Variants in CSMD1 observed in about 807,000 individuals in gnomAD.
CSMD1 encodes CUB and sushi domain-containing protein 1.
A neutral mutation model predicts 417.5 loss-of-function variants in CSMD1; 213 were observed. The observed-to-expected ratio is 0.51, with a 90% confidence interval of 0.46 to 0.57. CSMD1 has a LOEUF of 0.57. Among genes scored for constraint, CSMD1 ranks in the 20% least tolerant of loss-of-function variants. The probability of loss-of-function intolerance (pLI) is 0.00; values close to 1 mark genes in which losing one functional copy is unlikely to be tolerated. For synonymous variants in CSMD1, 2,862 were observed against 1,736.8 expected (o/e 1.65, Z -16.11); for missense variants, 6,923 against 4,529.7 (o/e 1.53, Z -15.17).
intron 18 of CSMD1, among the ~76,000 whole-genome samples, chr8:3,376,599 T>C (rs1810320272): frequency 6.6e-6 from 1 of 152,096 alleles, no homozygotes; most frequent in African/African-American, 2.4e-5. Flanking sequence ...CTATCTTTCT[T>C]TAATTAAAAA....
At chr8:4,610,095 A>G (rs1801085047) in intron 2 of CSMD1, among the ~76,000 whole-genome samples, 1 of 151,410 alleles carries the variant, frequency 6.6e-6, no homozygotes, top group African/African-American at 2.4e-5. Context: ...CCCTACCTCT[A>G]TTTCTCTCCT....
intron 1 of CSMD1, among the ~76,000 whole-genome samples, chr8:4,724,155 C>T (rs1243953237): frequency 2.6e-5 from 4 of 152,088 alleles, no homozygotes; most frequent in East Asian, 1.9e-4. Flanking sequence ...CAAAATAAAA[C>T]ATGGATGTTC....
At chr8:4,192,597 T>C (rs1375796776) in intron 3 of CSMD1, among the ~76,000 whole-genome samples, 1 of 152,220 alleles carries the variant, frequency 6.6e-6, no homozygotes, top group East Asian at 1.9e-4. Flanking sequence ...AGCTTTGCCC[T>C]ATAATGAGAA....
chr8:3,464,863 T>A (rs367895027), intron 12 of CSMD1, among the ~76,000 whole-genome samples: 32 of 152,280 alleles, frequency 2.1e-4, no homozygotes, highest in East Asian at 7.7e-4. Context: ...TCTCTCCCAT[T>A]ACTTTCTGAC....
rs769904621 is a variant in CSMD1 at position 4,926,239 on chromosome 8, T to C, written c.85+68093A>G. 2.6e-5 allele frequency among the ~76,000 whole-genome samples: 4 copies of C among 152,220 alleles called. No homozygotes were observed. The East Asian group carries it at 5.8e-4, about 22-fold the overall frequency. On this transcript the variant is annotated intron_variant, in intron 1 of 69. Transcript: ENST00000635120. ...CTGCTATTACATTTATTTTTTCTTGTGGACACAATGAATAAATGGATGTAT... is the reference window on the plus strand; with the variant it reads ...CTGCTATTACATTTATTTTTTCTTGCGGACACAATGAATAAATGGATGTAT...
chr8:4,238,949 T>C (rs1244487116), intron 3 of CSMD1, among the ~76,000 whole-genome samples: 1 of 152,320 alleles, frequency 6.6e-6, no homozygotes, highest in East Asian at 1.9e-4. Context: ...ACCCTGTTCT[T>C]CTGTAGAGAG....
intron 3 of CSMD1, among the ~76,000 whole-genome samples, chr8:4,311,962 C>T (rs1585209114): frequency 6.6e-6 from 1 of 151,862 alleles, no homozygotes; most frequent in African/African-American, 2.4e-5. Context: ...AAACCTGAAA[C>T]TTAGAAAACA....
At chr8:3,451,080 T>G (rs1472727136) in intron 12 of CSMD1, among the ~76,000 whole-genome samples, 1 of 152,242 alleles carries the variant, frequency 6.6e-6, no homozygotes, top group Non-Finnish European at 1.5e-5. Flanking sequence ...GACGAGCATT[T>G]TTTCACGTCT....
intron 26 of CSMD1, among the ~76,000 whole-genome samples, chr8:3,268,367 C>G (rs1455269116): frequency 7.1e-6 from 1 of 141,152 alleles, no homozygotes; most frequent in African/African-American, 2.7e-5. Flanking sequence ...CAGCTCACTG[C>G]AAGCTCCGCC....
intron 12 of CSMD1, among the ~76,000 whole-genome samples, chr8:3,448,426 A>AGGAAGGAAGGGAGGAAG (rs532643101): frequency 3.1e-5 from 3 of 96,132 alleles, no homozygotes; most frequent in African/African-American, 1.3e-4. Context: ...AAGGGAAGGA[A>AGGAAGGAAGGGAGGAAG]GAAGGAGCAA....
At chr8:4,452,709 A>C (rs932984218) in intron 2 of CSMD1, among the ~76,000 whole-genome samples, 2 of 152,170 alleles carry the variant, frequency 1.3e-5, no homozygotes, top group African/African-American at 2.4e-5. Flanking sequence ...TCTCAATTAC[A>C]TTTAAATCAA....
chr8:3,923,528 G>A (rs768755349), intron 5 of CSMD1, among the ~76,000 whole-genome samples: 6 of 151,930 alleles, frequency 3.9e-5, no homozygotes, highest in East Asian at 1.9e-4. Flanking sequence ...CTCACCTTGC[G>A]CATTTCCCAC....
At chr8:3,744,348 C>A (rs1481722) in intron 6 of CSMD1, among the ~76,000 whole-genome samples, 3 of 152,122 alleles carry the variant, frequency 2.0e-5, no homozygotes, top group African/African-American at 7.2e-5. Context: ...TGGGCTTCCA[C>A]TGATTACTAA....
chr8:4,224,938 C>G (rs564604147), intron 3 of CSMD1, among the ~76,000 whole-genome samples: 191 of 152,172 alleles, frequency 1.3e-3, no homozygotes, highest in African/African-American at 4.3e-3. Flanking sequence ...TTGTGAAACC[C>G]CATCACTAAT....
intron 42 of CSMD1, among the ~76,000 whole-genome samples, chr8:3,114,795 G>T (rs1014190544): frequency 6.6e-6 from 1 of 152,122 alleles, no homozygotes; most frequent in African/African-American, 2.4e-5. Flanking sequence ...TAAAAAATAT[G>T]TATGTAATAA....
At chr8:4,178,380 AC>A (rs760460436) in intron 3 of CSMD1, among the ~76,000 whole-genome samples, 8 of 150,350 alleles carry the variant, frequency 5.3e-5, no homozygotes, top group East Asian at 2.0e-4. Flanking sequence ...AAATTCAACA[AC>A]CCTTCATGCT....
intron 5 of CSMD1, among the ~76,000 whole-genome samples, chr8:3,888,412 CT>C (rs1190625462): frequency 6.6e-6 from 1 of 152,088 alleles, no homozygotes; most frequent in African/African-American, 2.4e-5. Flanking sequence ...ATACGGAAAC[CT>C]TTTTTTACCT....
intron 5 of CSMD1, among the ~76,000 whole-genome samples, chr8:3,968,218 A>G (rs1477104870): frequency 6.6e-6 from 1 of 151,802 alleles, no homozygotes; most frequent in Non-Finnish European, 1.5e-5. Flanking sequence ...TAAATAATAA[A>G]AAACAATGTG....
At chr8:4,039,536 A>C (rs1295455298) in intron 3 of CSMD1, among the ~76,000 whole-genome samples, 4 of 152,198 alleles carry the variant, frequency 2.6e-5, no homozygotes, top group Non-Finnish European at 5.9e-5. Flanking sequence ...CATTTATGAC[A>C]AAAGCAATGA....
Sources: allele counts gnomAD v4.1 joint callset (sites outside exome capture counted in the v4.1 genomes callset), GRCh38; gene constraint gnomAD v4.1.1; transcripts MANE v1.5; gene names NCBI Gene and HGNC (gene_info 2026-07-23, HGNC 2026-07-21).